Variants in PIBF1 observed in about 807,000 individuals in gnomAD.
The protein encoded by PIBF1 is progesterone immunomodulatory binding factor 1.
A neutral mutation model predicts 112.5 loss-of-function variants in PIBF1; 90 were observed. The ratio of observed to expected loss-of-function variants is 0.80; its 90% confidence interval spans 0.67 to 0.95. The LOEUF (loss-of-function observed/expected upper bound fraction) is 0.95. PIBF1 is among the 40% of genes least tolerant of loss of function. The pLI, the probability that PIBF1 is intolerant of heterozygous loss-of-function variation, is 0.00. For synonymous variants in PIBF1, 301 were observed against 288.6 expected (o/e 1.04, Z -0.44); for missense variants, 915 against 852.3 (o/e 1.07, Z -0.92).
At chr13:72,934,083 C>T (rs1029282263) in intron 14 of PIBF1, among the ~76,000 whole-genome samples, 1 of 152,110 alleles carries the variant, frequency 6.6e-6, no homozygotes, top group Non-Finnish European at 1.5e-5. Flanking sequence ...CAGTATATAA[C>T]TTTTCCCTTA....
intron 13 of PIBF1, among the ~76,000 whole-genome samples, chr13:72,923,141 G>A (rs1475802938): frequency 6.6e-6 from 1 of 152,102 alleles, no homozygotes; most frequent in African/African-American, 2.4e-5. Flanking sequence ...TTCGAGTTTT[G>A]GTAATAGTAA....
intron 10 of PIBF1, among the ~76,000 whole-genome samples, chr13:72,878,420 A>G (rs1281652151): frequency 6.6e-6 from 1 of 152,096 alleles, no homozygotes; most frequent in East Asian, 1.9e-4. Flanking sequence ...GTATTGTTTA[A>G]TATCCACATA....
intron 16 of PIBF1, among the ~76,000 whole-genome samples, chr13:72,991,150 C>A (rs1260749780): frequency 6.6e-6 from 1 of 152,212 alleles, no homozygotes; most frequent in African/African-American, 2.4e-5. Flanking sequence ...TACTGTTAAG[C>A]AGCTGCTGTA....
At chr13:72,854,590 T>C (rs111864430) in intron 10 of PIBF1, among the ~76,000 whole-genome samples, 2 of 152,220 alleles carry the variant, frequency 1.3e-5, no homozygotes, top group African/African-American at 4.8e-5. Context: ...TTGTTGTTGC[T>C]GAGTATGAAT....
At chr13:72,985,371 CAAAA>C (rs67195605) in intron 16 of PIBF1, among the ~76,000 whole-genome samples, 2 of 76,284 alleles carry the variant, frequency 2.6e-5, no homozygotes, top group African/African-American at 5.6e-5. Context: ...ACTAAAAATA[CAAAA>C]AAAAAAAAAA....
chr13:72,943,253 A>C (rs1486738785), intron 14 of PIBF1, among the ~76,000 whole-genome samples: 2 of 152,178 alleles, frequency 1.3e-5, no homozygotes, highest in Non-Finnish European at 2.9e-5. Flanking sequence ...TGCAAACATA[A>C]AGTTAGATAG....
In PIBF1 at chr13:73,015,882, C is replaced by T. The variant is rs1368265000; in HGVS notation, c.2237C>T (p.Ala746Val). 4 of 1,582,984 alleles carry T rather than the reference C, an allele frequency of 2.5e-6. No homozygotes were observed. The highest frequency in any genetic ancestry group is 3.4e-6 in the Non-Finnish European group (4 of 1,162,644). ...PKPTLFTKKE[A>V]PEWSKKQKMK... Reference sequence around the variant, plus strand: ...TTTTTTAAACAGACTAAAAAAGAAGCACCTGAGTGGTCTAAGAAACAAAAG... The same window carrying T: ...TTTTTTAAACAGACTAAAAAAGAAGTACCTGAGTGGTCTAAGAAACAAAAG... Residue 746 changes from alanine (A) to valine (V), a missense_variant, in exon 18 of 18, where the codon GCA (alanine) becomes GTA (valine). Transcript: ENST00000326291.
intron 9 of PIBF1, among the ~76,000 whole-genome samples, chr13:72,846,000 T>A (rs1340005504): frequency 1.3e-5 from 2 of 152,168 alleles, no homozygotes; most frequent in African/African-American, 4.8e-5. Flanking sequence ...GAACACAATC[T>A]TTAGCTTCCA....
chr13:72,846,125 C>T (rs2037867393), intron 9 of PIBF1, among the ~76,000 whole-genome samples: 1 of 152,074 alleles, frequency 6.6e-6, no homozygotes, highest in African/African-American at 2.4e-5. Flanking sequence ...ATGGCATTTC[C>T]ACTTGGTTAT....
At chr13:72,870,202 T>A (rs953677605) in intron 10 of PIBF1, among the ~76,000 whole-genome samples, 2 of 152,210 alleles carry the variant, frequency 1.3e-5, no homozygotes, top group African/African-American at 4.8e-5. Context: ...CCATAGCCCA[T>A]TCTATGAACT....
At chr13:72,969,031 A>G (rs2042823980) in intron 15 of PIBF1, among the ~76,000 whole-genome samples, 2 of 124,618 alleles carry the variant, frequency 1.6e-5, no homozygotes, top group Admixed American at 1.4e-4. Flanking sequence ...CTCTGTCTCA[A>G]AAAAAAAATA....
Position 72,909,497 on chromosome 13 carries a change from C to CTT in PIBF1, c.1639+829_1639+830dup, listed in dbSNP as rs768847208. ...CACTGCAATTAGTCTTTTCTTTTTT[C>CTT]TTTTTTTTTTTTTTGAGACGGAGTT... is the stretch of plus-strand genomic sequence containing the variant. On this transcript the variant is annotated intron_variant, in intron 12 of 17. Coordinates refer to ENST00000326291, the MANE Select transcript of PIBF1 (RefSeq NM_006346.4). Among the ~76,000 whole-genome samples the CTT allele has an allele frequency of 4.8e-4, 68 of 142,854 alleles. 1 individual carries two copies. The highest frequency in any genetic ancestry group is 9.1e-4 in the Non-Finnish European group (59 of 65,094). The allele number at this position is 142,854 out of a possible 152,430, so 93.7% of individuals were successfully genotyped here. A position where few individuals can be genotyped will look rare whatever the true frequency, so the allele number is the denominator to read the frequency against.
chr13:72,805,525 A>G (rs1260477664), intron 5 of PIBF1, among the ~76,000 whole-genome samples: 2 of 152,210 alleles, frequency 1.3e-5, no homozygotes, highest in Non-Finnish European at 1.5e-5. Context: ...GATTCAACAA[A>G]TATTTTATTC....
intron 17 of PIBF1, among the ~76,000 whole-genome samples, chr13:73,011,751 G>T (rs1463990413): frequency 1.3e-5 from 2 of 152,094 alleles, no homozygotes; most frequent in Non-Finnish European, 2.9e-5. Flanking sequence ...CCCATTTACG[G>T]CAGTTTCTTT....
intron 5 of PIBF1, among the ~76,000 whole-genome samples, chr13:72,805,332 C>T (rs367926824): frequency 4.6e-5 from 7 of 152,056 alleles, no homozygotes; most frequent in East Asian, 3.9e-4. Context: ...TTAGTAGAGA[C>T]GGGGTTTCAC....
intron 10 of PIBF1, among the ~76,000 whole-genome samples, chr13:72,884,103 A>G (rs1312841185): frequency 6.6e-6 from 1 of 152,216 alleles, no homozygotes; most frequent in African/African-American, 2.4e-5. Context: ...CTACGTACCT[A>G]TAAAAATTAA....
At chr13:72,958,659 A>G (rs2042521830) in intron 14 of PIBF1, among the ~76,000 whole-genome samples, 1 of 152,244 alleles carries the variant, frequency 6.6e-6, no homozygotes, top group Non-Finnish European at 1.5e-5. Context: ...ATCCAGCGAC[A>G]AAGAGGTCAT....
intron 17 of PIBF1, 57 bp from the exon 18 acceptor site, chr13:73,015,812 C>A: frequency 9.4e-7 from 1 of 1,058,876 alleles, no homozygotes; most frequent in South Asian, 1.5e-5. Context: ...TCTGAGTTGC[C>A]TCTCTTGTCC....
chr13:72,821,489 A>G (rs2036555080), intron 5 of PIBF1, among the ~76,000 whole-genome samples: 1 of 152,206 alleles, frequency 6.6e-6, no homozygotes, highest in African/African-American at 2.4e-5. Flanking sequence ...AAGAACAGGA[A>G]GTGTGTTTTA....
Sources: gnomAD v4.1 joint callset for allele counts (sites outside exome capture counted in the v4.1 genomes callset) on GRCh38, gnomAD v4.1.1 for gene constraint, MANE v1.5 for transcripts, NCBI Gene and HGNC (gene_info 2026-07-23, HGNC 2026-07-21) for gene names.